CHRNE: variants seen among roughly 807,000 people sequenced by gnomAD.
CHRNE encodes the protein acetylcholine receptor subunit epsilon.
A neutral mutation model predicts 56.5 loss-of-function variants in CHRNE; 58 were observed. That is an observed-to-expected ratio of 1.03 (90% confidence interval 0.83 to 1.28). The LOEUF (loss-of-function observed/expected upper bound fraction) is 1.28. CHRNE is among the 50% of genes most tolerant of loss of function. The probability of loss-of-function intolerance (pLI) is 0.00; values close to 1 mark genes in which losing one functional copy is unlikely to be tolerated. For missense variants in CHRNE, 793 were observed against 688.9 expected (o/e 1.15, Z -1.69); for synonymous variants, 385 against 297.9 (o/e 1.29, Z -3.01).
In CHRNE at chr17:4,900,182, G is replaced by T. The variant is rs1567637766; in HGVS notation, c.918-600C>A. On this transcript the variant is annotated intron_variant, in intron 8 of 11. Transcript: ENST00000649488. ...GGGGGCTTAGGATACGCGGCGATCG[G>T]GTAGCGGGAACAAGGACCTCTGCCT... The T allele has an allele frequency of 2.6e-6, 4 of 1,544,530 alleles. No homozygotes were observed. The South Asian group carries it at 4.8e-5, about 18-fold the overall frequency.
At chr17:4,903,437 T>C (rs1393056783), upstream of CHRNE, among the ~76,000 whole-genome samples, 1 of 152,158 alleles carries the variant, frequency 6.6e-6, no homozygotes, top group East Asian at 1.9e-4. Flanking sequence ...TAGGTGACCC[T>C]GACTGATGAA....
chr17:4,904,277 G>A (rs1970060746), upstream of CHRNE, among the ~76,000 whole-genome samples: 1 of 151,540 alleles, frequency 6.6e-6, no homozygotes, highest in South Asian at 2.1e-4. Context: ...GTTCACTGCG[G>A]CTCTCAAACT....
At chr17:4,901,896 C>T (rs757565929) in intron 5 of CHRNE, 36 bp downstream of exon 5, 2 of 1,484,970 alleles carry the variant, frequency 1.3e-6, no homozygotes, top group Non-Finnish European at 1.9e-6. Context: ...CCCCCCCCAA[C>T]AATAATCGTC....
rs1337368697 is a variant in CHRNE, at chr17:4,900,785, G to A, written c.917+8C>T. 6.2e-6 allele frequency: 10 copies of A among 1,612,074 alleles called. No individual in the cohort carries two copies. Among genetic ancestry groups the A allele is most frequent in the East Asian group, 2.2e-5 (1 of 44,784 alleles). On this transcript the variant is annotated splice_region_variant and intron_variant, in intron 8 of 11. Coordinates refer to ENST00000649488, the MANE Select transcript of CHRNE (RefSeq NM_000080.4). ...CTGGCCACACCCCCGCGGGGGCTCC[G>A]GCTTCACCTGCCCAGGAGCGGCACG...
In CHRNE at chr17:4,902,105, C is replaced by G; in HGVS notation, c.345-18G>C. The stretch of plus-strand genomic sequence containing the variant: ...CATCAATACTGTGGGCTCGGGGAAA[C>G]CGAGCTTTTTGCACAGGTCTGCACC... On this transcript the variant is annotated intron_variant, in intron 4 of 11. Coordinates refer to ENST00000649488, the MANE Select transcript of CHRNE (RefSeq NM_000080.4). The surrounding 1 kb of genome is among the most constrained non-coding windows in gnomAD (Gnocchi z 4.0). 2 of 1,614,018 alleles carry G rather than the reference C, an allele frequency of 1.2e-6. No homozygotes were observed. The highest frequency in any genetic ancestry group is 1.1e-5 in the South Asian group (1 of 91,084).
chr17:4,900,294 G>A, intron 8 of CHRNE: 13 of 1,545,266 alleles, frequency 8.4e-6, no homozygotes, highest in Non-Finnish European at 1.0e-5. Context: ...CGCGGGCCCA[G>A]CCCCAGACGG....
In CHRNE at chr17:4,902,376, G is replaced by A; in HGVS notation, c.235-50C>T. ...GCGTGCCCTGCATCTCCCACCTGGC[G>A]CTGCCTGGGAGGGGTTTGGGGGAAA... On this transcript the variant is annotated intron_variant, in intron 3 of 11. Coordinates refer to ENST00000649488, the MANE Select transcript of CHRNE (RefSeq NM_000080.4). This position sits in a 1 kb window ranked among gnomAD's most constrained non-coding sequence, Gnocchi z 4.0. 6.2e-7 allele frequency: 1 copy of A among 1,613,148 alleles called. No homozygotes were observed.
intron 10 of CHRNE, 27 bp from the exon 11 acceptor site, chr17:4,899,134 C>T (rs767450816): frequency 1.2e-4 from 196 of 1,599,954 alleles, no homozygotes; most frequent in Non-Finnish European, 1.6e-4. Flanking sequence ...CGGGGTGGGC[C>T]TTAGGAGCCT....
Position 4,900,636 on chromosome 17 carries a change from G to A in CHRNE, c.917+157C>T, listed in dbSNP as rs1273893045. ...ACGTCCAGCAGCAGTGAGGAGGACGGCGGACCAGGGACTCCATCCCCGTAC... is the reference window on the plus strand; with the variant it reads ...ACGTCCAGCAGCAGTGAGGAGGACGACGGACCAGGGACTCCATCCCCGTAC... On this transcript the variant is annotated intron_variant, in intron 8 of 11. Transcript: ENST00000649488. 8 of 1,474,790 alleles carry A rather than the reference G, an allele frequency of 5.4e-6. No individual in the cohort carries two copies. The East Asian group carries it at 2.0e-4, about 36-fold the overall frequency. 91.4% of individuals were successfully genotyped at this position (1,474,790 alleles called of 1,614,324 possible). A position where few individuals can be genotyped will look rare whatever the true frequency, so the allele number is the denominator to read the frequency against.
upstream of CHRNE, among the ~76,000 whole-genome samples, chr17:4,906,216 G>A (rs1178787643): frequency 6.6e-6 from 1 of 152,136 alleles, no homozygotes; most frequent in African/African-American, 2.4e-5. Flanking sequence ...GAAGGATCAT[G>A]GGGTTGGCCT....
Position 4,901,197 on chromosome 17 carries a change from G to A in CHRNE, c.602-7C>T, listed in dbSNP as rs1298446963. 6 of 1,600,684 alleles carry A rather than the reference G, an allele frequency of 3.7e-6. No individual in the cohort carries two copies. Among genetic ancestry groups the A allele is most frequent in the Non-Finnish European group, 5.1e-6 (6 of 1,177,742 alleles). ...ATGGCCCACTCGCCGTTCTCTGCGG[G>A]ACGGGGGCACGGTCAGCTGGCTGTC... On this transcript the variant is annotated splice_region_variant and splice_polypyrimidine_tract_variant and intron_variant, in intron 6 of 11. Coordinates refer to ENST00000649488, the MANE Select transcript of CHRNE (RefSeq NM_000080.4).
chr17:4,900,132 C>G lies in CHRNE; in HGVS notation c.918-550G>C, dbSNP rs1438892406. ...ACAGCCAGCCTCGTGAGCTTCGGCA[C>G]CACCTTGTTAGAGGTGGGGTACTGG... On this transcript the variant is annotated intron_variant, in intron 8 of 11. Coordinates refer to ENST00000649488, the MANE Select transcript of CHRNE (RefSeq NM_000080.4). 15 of 1,549,828 alleles carry G rather than the reference C, an allele frequency of 9.7e-6. No homozygotes were observed. The Admixed American group carries it at 2.6e-4, about 26-fold the overall frequency.
rs774891621 is a variant in CHRNE, at chr17:4,902,193, C to A, written c.344+24G>T. 1.2e-6 allele frequency: 2 copies of A among 1,613,782 alleles called. No homozygotes were observed. Among genetic ancestry groups the A allele is most frequent in the Non-Finnish European group, 1.7e-6 (2 of 1,179,796 alleles). ...GCACCCCAGGCCGGCTTCCCTCCAG[C>A]CTGGCGTCTGGCCCGGTTCTCACTT... On this transcript the variant is annotated intron_variant, in intron 4 of 11. Transcript: ENST00000649488. This position sits in a 1 kb window ranked among gnomAD's most constrained non-coding sequence, Gnocchi z 4.0.
At position 4,901,005 on chromosome 17, in the gene CHRNE, A is replaced by G; in HGVS notation, c.787T>C (p.Phe263Leu). The G allele has an allele frequency of 6.2e-7, 1 of 1,613,936 alleles. No homozygotes were observed. Among genetic ancestry groups the G allele is most frequent in the East Asian group, 2.2e-5 (1 of 44,870 alleles). ...CACTGCTTACCCTGCGCCGGCAGGA[A>G]GTAGGCGAGCAGCACCAGGCCCGAG... ...LISGLVLLAY[F>L]LPAQAGGQKC... Residue 263 changes from phenylalanine to leucine, a missense_variant, in exon 7 of 12, where the codon TTC becomes CTC. Physicochemically the swap from Phe to Leu is conservative, Grantham distance 22. Transcript: ENST00000649488.
At chr17:4,908,443 G>A (rs111265147) in intron 1 of CHRNE, among the ~76,000 whole-genome samples, 4 of 151,882 alleles carry the variant, frequency 2.6e-5, no homozygotes, top group East Asian at 1.9e-4. Flanking sequence ...ACAGCAGTGC[G>A]TTCCTGCCAG....
rs780968512 is a variant in CHRNE at position 4,899,557 on chromosome 17, C to T, written c.943G>A (p.Ala315Thr). 1 of 1,595,318 alleles carries T rather than the reference C, an allele frequency of 6.3e-7. No homozygotes were observed. Among genetic ancestry groups the T allele is most frequent in the Admixed American group, 1.7e-5 (1 of 57,314 alleles). The change falls in exon 9 of 12, where the codon GCC becomes ACC. Residue 315 changes from alanine to threonine, a missense_variant. By Grantham distance (58) the Ala-to-Thr change is moderately conservative. Transcript: ENST00000649488. ...ACGCAATTCATGACAATGAGCGTGG[C>T]GACCACCATGACGAAAATAAGGAAC... is the stretch of plus-strand genomic sequence containing the variant. ...GRFLIFVMVV[A>T]TLIVMNCVIV...
rs1005857721 is a variant in CHRNE at position 4,901,927 on chromosome 17, C to A, written c.500+5G>T. 2.1e-6 allele frequency: 3 copies of A among 1,455,020 alleles called. No homozygotes were observed. The highest frequency in any genetic ancestry group is 2.8e-6 in the Non-Finnish European group (3 of 1,076,788). 90.1% of individuals were successfully genotyped at this position (1,455,020 alleles called of 1,614,324 possible). ...TCGTCCGGGCCTCGGAGTAGCTCTT[C>A]CCACCGGAAAATAAGCGAACAGTTC... is the stretch of plus-strand genomic sequence containing the variant. On this transcript the variant is annotated splice_donor_5th_base_variant and intron_variant, in intron 5 of 11. Transcript: ENST00000649488.
rs375802288 is a variant in CHRNE, at chr17:4,903,013, C to T, written c.46+5G>A. The T allele has an allele frequency of 1.3e-4, 207 of 1,614,084 alleles. 1 individual carries two copies. In the Middle Eastern group the frequency reaches 2.0e-3, roughly 15 times the overall value. On this transcript the variant is annotated splice_donor_5th_base_variant and intron_variant, in intron 1 of 11. Transcript: ENST00000649488. ...TCCAATTGCCCCTCTAGCCCCTGTC[C>T]GTACCGAGAAGCCCCAAGAGGAGCA... is the stretch of plus-strand genomic sequence containing the variant.
intron 8 of CHRNE, 55 bp from the exon 9 acceptor site, chr17:4,899,637 G>T: frequency 6.8e-7 from 1 of 1,471,698 alleles, no homozygotes; most frequent in East Asian, 2.5e-5. Flanking sequence ...TACCGAAGGC[G>T]CCGCGCGCTG....
Sources: gnomAD v4.1 joint callset for allele counts (sites outside exome capture counted in the v4.1 genomes callset) on GRCh38, gnomAD v4.1.1 for gene constraint, Gnocchi (gnomAD v3.1) non-coding constraint, MANE v1.5 for transcripts, NCBI Gene and HGNC (gene_info 2026-07-23, HGNC 2026-07-21) for gene names.